MANBAL: variants seen among roughly 807,000 people sequenced by gnomAD.
The protein encoded by MANBAL is protein MANBAL.
In MANBAL, 1 loss-of-function variant was observed where a neutral mutation model predicts 6.4. The ratio of observed to expected loss-of-function variants is 0.16; its 90% CI spans 0.06 to 0.74. MANBAL has a LOEUF of 0.74. MANBAL is among the 30% of genes least tolerant of loss of function. The pLI, the probability that MANBAL is intolerant of heterozygous loss-of-function variation, is 0.78. For missense variants in MANBAL, 100 were observed against 107.8 expected (o/e 0.93, Z 0.32); for synonymous variants, 47 against 45.8 (o/e 1.03, Z -0.10).
At chr20:37,294,821 A>AG (rs2068956071) in intron 1 of MANBAL, among the ~76,000 whole-genome samples, 1 of 152,230 alleles carries the variant, frequency 6.6e-6, no homozygotes, top group Non-Finnish European at 1.5e-5. Context: ...ACTCCGTGGC[A>AG]GGGATTAGAC....
intron 1 of MANBAL, among the ~76,000 whole-genome samples, chr20:37,293,604 T>C (rs989754488): frequency 1.1e-4 from 16 of 152,210 alleles, no homozygotes; most frequent in African/African-American, 3.9e-4. Flanking sequence ...GTTGGGGACC[T>C]GTGTTCTAGC....
At chr20:37,304,262 T>A (rs919337920) in intron 2 of MANBAL, among the ~76,000 whole-genome samples, 1 of 152,212 alleles carries the variant, frequency 6.6e-6, no homozygotes, top group Non-Finnish European at 1.5e-5. Flanking sequence ...TCAATCTGTT[T>A]TTAATTTTTA....
intron 2 of MANBAL, among the ~76,000 whole-genome samples, chr20:37,311,776 C>G (rs573504098): frequency 3.9e-5 from 6 of 152,198 alleles, no homozygotes; most frequent in African/African-American, 1.4e-4. Flanking sequence ...CGTGAGCCAC[C>G]GCGCCCGGCC....
intron 2 of MANBAL, among the ~76,000 whole-genome samples, chr20:37,304,904 T>G (rs1253421502): frequency 6.6e-6 from 1 of 152,196 alleles, no homozygotes; most frequent in African/African-American, 2.4e-5. Flanking sequence ...CGATGTCATT[T>G]GAAGCCACGG....
intron 2 of MANBAL, among the ~76,000 whole-genome samples, chr20:37,310,790 A>T (rs1413345643): frequency 6.6e-6 from 1 of 152,074 alleles, no homozygotes; most frequent in East Asian, 1.9e-4. Flanking sequence ...TTTATATGTG[A>T]CAGTGTGATT....
At chr20:37,307,544 G>A (rs1176524158) in intron 2 of MANBAL, among the ~76,000 whole-genome samples, 1 of 152,004 alleles carries the variant, frequency 6.6e-6, no homozygotes, top group African/African-American at 2.4e-5. Flanking sequence ...ATCACTTGAG[G>A]TCAGGAGTTC....
intron 1 of MANBAL, among the ~76,000 whole-genome samples, chr20:37,290,236 GACAAC>G (rs772268822): frequency 2.0e-5 from 3 of 152,226 alleles, no homozygotes; most frequent in Non-Finnish European, 2.9e-5. Flanking sequence ...TTAAAATGGT[GACAAC>G]ACATTTAGAT....
rs758221284 is a variant in MANBAL at position 37,301,273 on chromosome 20, G to A, written c.10G>A (p.Asp4Asn). The A allele has an allele frequency of 6.2e-7, 1 of 1,607,206 alleles. No individual in the cohort carries two copies. Among genetic ancestry groups the A allele is most frequent in the African/African-American group, 1.3e-5 (1 of 74,804 alleles). Residue 4 changes from aspartate (D) to asparagine (N), a missense_variant, in exon 2 of 3, where the codon GAC (aspartate) becomes AAC (asparagine). By Grantham distance (23) the Asp-to-Asn change is conservative. Transcript: ENST00000373606. ...GCAAGCGACTTGGGCCATGGCCTCT[G>A]ACCTAGACTTCTCACCTCCGGAGGT... is the stretch of plus-strand genomic sequence containing the variant. MAS[D>N]LDFSPPEVPE... is the part of the protein sequence containing the mutation.
intron 1 of MANBAL, among the ~76,000 whole-genome samples, chr20:37,291,914 A>C (rs150058345): frequency 3.0e-4 from 46 of 152,268 alleles, no homozygotes; most frequent in African/African-American, 1.1e-3. Context: ...CTTTTTCTTT[A>C]TTAATTACCC....
In MANBAL at chr20:37,292,125, C is replaced by T. The variant is rs192992752; in HGVS notation, c.-57+2439C>T. Among the ~76,000 whole-genome samples the T allele has an allele frequency of 5.9e-5, 9 of 152,256 alleles. No homozygotes were observed. The South Asian group carries it at 6.2e-4, about 11-fold the overall frequency. ...GAGTTACTTTTCCTCCTGCACTTTC[C>T]GCACTGTACTTTTGGAGAAAGTCAT... On this transcript the variant is annotated intron_variant, in intron 1 of 2. Coordinates refer to ENST00000373606, the MANE Select transcript of MANBAL (RefSeq NM_001003897.2).
intron 1 of MANBAL, among the ~76,000 whole-genome samples, chr20:37,291,166 A>G (rs999727411): frequency 1.3e-5 from 2 of 152,164 alleles, no homozygotes; most frequent in African/African-American, 2.4e-5. Flanking sequence ...ATGTTGACCC[A>G]TTCTTTTTTT....
At chr20:37,293,031 A>G (rs1025457058) in intron 1 of MANBAL, among the ~76,000 whole-genome samples, 16 of 152,190 alleles carry the variant, frequency 1.1e-4, no homozygotes, top group African/African-American at 3.9e-4. Context: ...GTTCAGCTAA[A>G]CATAACTGAT....
At chr20:37,305,607 A>G (rs1047078936) in intron 2 of MANBAL, among the ~76,000 whole-genome samples, 21 of 151,852 alleles carry the variant, frequency 1.4e-4, no homozygotes, top group African/African-American at 4.8e-4. Flanking sequence ...TCTCATTTTT[A>G]TTAATCTTGC....
At chr20:37,300,181 A>G (rs997851091) in intron 1 of MANBAL, among the ~76,000 whole-genome samples, 3 of 152,152 alleles carry the variant, frequency 2.0e-5, no homozygotes, top group Non-Finnish European at 4.4e-5. Context: ...AATTGGAGGT[A>G]TCAGGGTCCG....
At chr20:37,303,958 A>G (rs1406685699) in intron 2 of MANBAL, among the ~76,000 whole-genome samples, 1 of 152,214 alleles carries the variant, frequency 6.6e-6, no homozygotes, top group Non-Finnish European at 1.5e-5. Flanking sequence ...TGTGAGAACC[A>G]CCTGGAATCC....
chr20:37,300,862 G>C (rs2069117239), intron 1 of MANBAL, among the ~76,000 whole-genome samples: 1 of 152,072 alleles, frequency 6.6e-6, no homozygotes, highest in Non-Finnish European at 1.5e-5. Context: ...TCAGTTACAG[G>C]CTGGGTGAGG....
At chr20:37,297,037 A>G (rs1307881057) in intron 1 of MANBAL, 1 of 152,238 alleles carries the variant, frequency 6.6e-6, no homozygotes, top group Non-Finnish European at 1.5e-5. Context: ...CCTTAAGCAA[A>G]AAGCTTGGGG....
chr20:37,298,005 A>G (rs1013250383), intron 1 of MANBAL, among the ~76,000 whole-genome samples: 1 of 152,100 alleles, frequency 6.6e-6, no homozygotes, highest in African/African-American at 2.4e-5. Flanking sequence ...AATACAGACT[A>G]TGTATAATTT....
intron 2 of MANBAL, among the ~76,000 whole-genome samples, chr20:37,314,235 G>A (rs777158661): frequency 6.6e-6 from 1 of 152,138 alleles, no homozygotes; most frequent in Non-Finnish European, 1.5e-5. Flanking sequence ...TGAGGTTACC[G>A]GGTCTCTGGT....
Sources: gnomAD v4.1 joint callset for allele counts (sites outside exome capture counted in the v4.1 genomes callset) on GRCh38, gnomAD v4.1.1 for gene constraint, MANE v1.5 for transcripts, NCBI Gene and HGNC (gene_info 2026-07-23, HGNC 2026-07-21) for gene names.